BAAT: variants seen among roughly 807,000 people sequenced by gnomAD.
The protein encoded by BAAT is bile acid CoA: amino acid N-acyltransferase (glycine N-choloyltransferase).
In BAAT, 13 loss-of-function variants were observed where a neutral mutation model predicts 18.9. The observed-to-expected ratio is 0.69, with a 90% CI of 0.45 to 1.10. BAAT has a LOEUF of 1.10. BAAT is among the 50% of genes least tolerant of loss of function. BAAT has a pLI of 0.00. For missense variants in BAAT, 489 were observed against 504.0 expected, an observed-to-expected ratio of 0.97 and a Z score of 0.28; for synonymous variants, 170 against 190.7, an observed-to-expected ratio of 0.89 and a Z score of 0.89.
At chr9:101,364,506 G>A (rs969073864) in intron 3 of BAAT, among the ~76,000 whole-genome samples, 3 of 152,154 alleles carry the variant, frequency 2.0e-5, no homozygotes, top group Non-Finnish European at 2.9e-5. Flanking sequence ...ACCTTATGCT[G>A]ATGTTTAAGC....
At position 101,361,425 on chromosome 9, in the gene BAAT, C is replaced by T. The variant is rs1455433962; in HGVS notation, c.*1003G>A. The T allele has an allele frequency of 6.6e-6, 1 of 152,604 alleles. No homozygotes were observed. The highest frequency in any genetic ancestry group is 1.5e-5 in the Non-Finnish European group (1 of 68,032). 9.5% of individuals were successfully genotyped at this position (152,604 alleles called of 1,614,324 possible). ...TTTTTAATATTTGCAAAGGACTGTA[C>T]AGCAAACAACCATGTGGTTGAATTA... On this transcript the variant is annotated 3_prime_UTR_variant, in exon 4 of 4. Transcript: ENST00000259407.
intron 1 of BAAT, among the ~76,000 whole-genome samples, chr9:101,378,652 T>C (rs1830085619): frequency 6.6e-6 from 1 of 152,114 alleles, no homozygotes; most frequent in Non-Finnish European, 1.5e-5. Context: ...GCAATACCAT[T>C]CAGGACATAG....
At position 101,360,438 on chromosome 9, in the gene BAAT, T is replaced by A. The variant is rs1304268159; in HGVS notation, c.*1990A>T. ...TGGGTAATTTATAAAGAAAAGAGATTTAATTGGATCATGGTCCTGCAGGCT... is the reference window on the plus strand; with the variant it reads ...TGGGTAATTTATAAAGAAAAGAGATATAATTGGATCATGGTCCTGCAGGCT... On this transcript the variant is annotated 3_prime_UTR_variant, in exon 4 of 4. Transcript: ENST00000259407. 3 of 153,890 alleles carry A rather than the reference T, an allele frequency of 1.9e-5. No individual in the cohort carries two copies. The allele number at this position is 153,890 out of a possible 1,614,324, so 9.5% of individuals were successfully genotyped here.
At position 101,378,107 on chromosome 9, in the gene BAAT, C is replaced by G. The variant is rs146419102; in HGVS notation, c.-59-6644G>C. 3.9e-5 allele frequency among the ~76,000 whole-genome samples: 6 copies of G among 152,166 alleles called. No individual in the cohort carries two copies. In the East Asian group the frequency reaches 1.2e-3, roughly 29 times the overall value. On this transcript the variant is annotated intron_variant, in intron 1 of 3. Coordinates refer to ENST00000259407, the MANE Select transcript of BAAT (RefSeq NM_001701.4). ...CACTGCTCAAGGAAATAAGAGAGGA[C>G]ATAAACAAATGGAAAAATAATTCCA...
At chr9:101,371,873 C>A (rs1240375581) in intron 1 of BAAT, among the ~76,000 whole-genome samples, 1 of 152,080 alleles carries the variant, frequency 6.6e-6, no homozygotes, top group African/African-American at 2.4e-5. Flanking sequence ...TCACGCTAAT[C>A]CCTTCCTCAA....
Position 101,371,107 on chromosome 9 carries a change from G to T in BAAT, c.298C>A (p.Pro100Thr), listed in dbSNP as rs961959287. The change falls in exon 2 of 4, where the codon CCT becomes ACT. Residue 100 changes from proline to threonine, a missense_variant. Physicochemically the swap from Pro to Thr is conservative, Grantham distance 38. Transcript: ENST00000259407. The stretch of plus-strand genomic sequence containing the variant: ...TAAAGTTTTACTTGGACCTGGAAAG[G>T]CCTATTCATCACATCTCTTTTCAAC... The part of the protein sequence containing the change: ...RLLKRDVMNR[P>T]FQVQVKLYDL... The T allele has an allele frequency of 6.2e-7, 1 of 1,613,896 alleles. No individual in the cohort carries two copies. Among genetic ancestry groups the T allele is most frequent in the South Asian group, 1.1e-5 (1 of 91,078 alleles).
chr9:101,368,707 T>G (rs868023206), intron 2 of BAAT, among the ~76,000 whole-genome samples: 1 of 152,130 alleles, frequency 6.6e-6, no homozygotes, highest in Non-Finnish European at 1.5e-5. Context: ...GAAAGGCATA[T>G]AAATTAGGCC....
intron 3 of BAAT, among the ~76,000 whole-genome samples, chr9:101,365,495 A>G (rs1407771628): frequency 1.3e-5 from 2 of 151,824 alleles, no homozygotes; most frequent in African/African-American, 4.8e-5. Context: ...AAGCTCTGAA[A>G]TTCTGTATTT....
chr9:101,382,854 C>T (rs756834884), intron 1 of BAAT, among the ~76,000 whole-genome samples: 2 of 152,172 alleles, frequency 1.3e-5, no homozygotes, highest in Admixed American at 6.5e-5. Context: ...AAGTCATTAA[C>T]TTTAGCTCAA....
At chr9:101,372,059 T>C (rs901670630) in intron 1 of BAAT, among the ~76,000 whole-genome samples, 1 of 152,046 alleles carries the variant, frequency 6.6e-6, no homozygotes, top group Non-Finnish European at 1.5e-5. Flanking sequence ...AAGAAACAGA[T>C]AACCAAATAC....
chr9:101,380,904 C>G (rs1017949358), intron 1 of BAAT, among the ~76,000 whole-genome samples: 2 of 152,034 alleles, frequency 1.3e-5, no homozygotes, highest in Non-Finnish European at 2.9e-5. Context: ...AGGCACCCAC[C>G]ACCATGCCTG....
chr9:101,378,841 G>T (rs886844256), intron 1 of BAAT, among the ~76,000 whole-genome samples: 33 of 152,036 alleles, frequency 2.2e-4, no homozygotes, highest in Non-Finnish European at 4.3e-4. Context: ...CTGACAAAGG[G>T]CTAACATCCA....
At chr9:101,380,515 AC>A (rs1830115572) in intron 1 of BAAT, among the ~76,000 whole-genome samples, 1 of 152,106 alleles carries the variant, frequency 6.6e-6, no homozygotes, top group African/African-American at 2.4e-5. Flanking sequence ...GAGCAAGCTT[AC>A]TCACAGCATG....
intron 1 of BAAT, among the ~76,000 whole-genome samples, chr9:101,382,832 A>G (rs1830153342): frequency 6.6e-6 from 1 of 152,230 alleles, no homozygotes; most frequent in Non-Finnish European, 1.5e-5. Context: ...AAACAGAAAT[A>G]AGTCAATTAG....
intron 3 of BAAT, among the ~76,000 whole-genome samples, chr9:101,367,108 C>CAA (rs1310860267): frequency 1.3e-4 from 5 of 39,356 alleles, no homozygotes; most frequent in African/African-American, 5.2e-4. Context: ...GAGACTCTGT[C>CAA]AAAAAAAGAA....
intron 3 of BAAT, among the ~76,000 whole-genome samples, chr9:101,366,073 T>A (rs1829821403): frequency 6.6e-6 from 1 of 152,156 alleles, no homozygotes; most frequent in African/African-American, 2.4e-5. Flanking sequence ...GATCACCAGA[T>A]CTTAGTCTTC....
At chr9:101,369,471 C>A (rs974253767) in intron 2 of BAAT, among the ~76,000 whole-genome samples, 1 of 152,164 alleles carries the variant, frequency 6.6e-6, no homozygotes, top group Admixed American at 6.5e-5. Flanking sequence ...TCCTTATAAC[C>A]TCACACAACT....
At chr9:101,366,430 T>C (rs1311576731) in intron 3 of BAAT, among the ~76,000 whole-genome samples, 1 of 152,168 alleles carries the variant, frequency 6.6e-6, no homozygotes, top group Non-Finnish European at 1.5e-5. Context: ...ATCTCTGTTC[T>C]ATCATCCTGC....
chr9:101,367,097 C>T (rs1380068454), intron 3 of BAAT, among the ~76,000 whole-genome samples: 3 of 117,756 alleles, frequency 2.5e-5, no homozygotes, highest in African/African-American at 3.5e-5. Context: ...GGTGACAGAG[C>T]GAGACTCTGT....
Sources: allele counts gnomAD v4.1 joint callset (sites outside exome capture counted in the v4.1 genomes callset), GRCh38; gene constraint gnomAD v4.1.1; transcripts MANE v1.5; gene names NCBI Gene and HGNC (gene_info 2026-07-23, HGNC 2026-07-21).